Variants in ZNF430 observed in about 807,000 individuals in gnomAD.
The protein encoded by ZNF430 is zinc finger protein 430.
A neutral mutation model predicts 56.7 loss-of-function variants in ZNF430; 35 were observed. The ratio of observed to expected loss-of-function variants is 0.62; its 90% CI spans 0.47 to 0.82. The LOEUF (loss-of-function observed/expected upper bound fraction) is 0.82. Ranked by LOEUF, ZNF430 falls within the 40% of genes least tolerant of loss-of-function variation. The pLI is 0.00. For synonymous variants in ZNF430, 212 were observed against 224.3 expected, an observed-to-expected ratio of 0.94 and a Z score of 0.49; for missense variants, 574 against 661.0, an observed-to-expected ratio of 0.87 and a Z score of 1.44.
chr19:21,033,454 A>T lies in ZNF430; in HGVS notation c.97-2A>T. The stretch of plus-strand genomic sequence containing the variant: ...TGTGTCTTGTGTGCTTGTGTTTTTC[A>T]GGGGCCATTGACATTTAGGGATGTG... On this transcript the variant is annotated splice_acceptor_variant, in intron 2 of 4. Transcript: ENST00000261560. LOFTEE classifies it high-confidence loss of function. 6.2e-7 allele frequency: 1 copy of T among 1,607,888 alleles called. No homozygotes were observed. The highest frequency in any genetic ancestry group is 8.5e-7 in the Non-Finnish European group (1 of 1,177,308).
At chr19:21,024,938 G>A (rs1169557411) in intron 2 of ZNF430, among the ~76,000 whole-genome samples, 3 of 152,214 alleles carry the variant, frequency 2.0e-5, no homozygotes, top group Non-Finnish European at 2.9e-5. Context: ...CCAAGTTCAG[G>A]AGCCTGTGAA....
intron 2 of ZNF430, among the ~76,000 whole-genome samples, chr19:21,029,338 G>C (rs370699683): frequency 1.8e-4 from 28 of 151,866 alleles, no homozygotes; most frequent in African/African-American, 5.1e-4. Flanking sequence ...GTTATTATTT[G>C]TGTTTCCTTT....
intron 1 of ZNF430, among the ~76,000 whole-genome samples, 178 bp downstream of exon 1, chr19:21,020,981 G>T (rs1396250016): frequency 1.3e-5 from 2 of 152,138 alleles, no homozygotes; most frequent in Non-Finnish European, 2.9e-5. Flanking sequence ...GCTGACAGGC[G>T]GGCCCCAGCA....
intron 4 of ZNF430, chr19:21,036,901 A>C (rs1276752249): frequency 4.6e-5 from 7 of 152,184 alleles, no homozygotes; most frequent in African/African-American, 1.7e-4. Flanking sequence ...CATTTTGTGA[A>C]ACTAAAACTC....
At chr19:21,030,969 G>A (rs999163607) in intron 2 of ZNF430, among the ~76,000 whole-genome samples, 1 of 151,922 alleles carries the variant, frequency 6.6e-6, no homozygotes, top group Non-Finnish European at 1.5e-5. Context: ...TGAAACCTCC[G>A]CCTCCTGGGT....
At chr19:21,056,332 T>C (rs1968376340) in intron 4 of ZNF430, among the ~76,000 whole-genome samples, 1 of 151,914 alleles carries the variant, frequency 6.6e-6, no homozygotes, top group Non-Finnish European at 1.5e-5. Flanking sequence ...CTACTAAAAA[T>C]ACAAAAATTA....
chr19:21,048,164 CTTTTTTTTTTT>C (rs536496163), intron 4 of ZNF430, among the ~76,000 whole-genome samples: 6 of 59,816 alleles, frequency 1.0e-4, no homozygotes, highest in South Asian at 1.2e-3. Context: ...CATAAAACAT[CTTTTTTTTTTT>C]TTTTTTTTTT....
At chr19:21,025,610 G>A (rs571897189) in intron 2 of ZNF430, among the ~76,000 whole-genome samples, 58 of 151,770 alleles carry the variant, frequency 3.8e-4, no homozygotes, top group African/African-American at 1.4e-3. Flanking sequence ...TATCTGAGAC[G>A]GAGTCTCACT....
Position 21,059,749 on chromosome 19 carries a change from T to C in ZNF430, c.*1728T>C, listed in dbSNP as rs1188678559. 6.6e-6 allele frequency: 1 copy of C among 152,126 alleles called. No individual in the cohort carries two copies. Among genetic ancestry groups the C allele is most frequent in the Non-Finnish European group, 1.5e-5 (1 of 68,028 alleles). The allele number at this position is 152,126 out of a possible 1,614,324, so 9.4% of individuals were successfully genotyped here. A position where few individuals can be genotyped will look rare whatever the true frequency, so the allele number is the denominator to read the frequency against. On this transcript the variant is annotated 3_prime_UTR_variant, in exon 5 of 5. Coordinates refer to ENST00000261560, the MANE Select transcript of ZNF430 (RefSeq NM_025189.4). ...TCTTTATTCCAGTTGTATTCACATG[T>C]GAAAGCATGTGATCAGTTATTGCTG...
intron 4 of ZNF430, among the ~76,000 whole-genome samples, chr19:21,051,710 C>T (rs1423610372): frequency 1.3e-5 from 2 of 152,082 alleles, no homozygotes; most frequent in African/African-American, 4.8e-5. Context: ...TGGATGGTCT[C>T]GATCTCTTGA....
At chr19:21,027,105 G>T (rs979359831) in intron 2 of ZNF430, among the ~76,000 whole-genome samples, 4 of 152,016 alleles carry the variant, frequency 2.6e-5, no homozygotes. Context: ...TGGGATTACA[G>T]GCGTGAGCCC....
intron 2 of ZNF430, among the ~76,000 whole-genome samples, chr19:21,026,986 T>A (rs923162032): frequency 4.0e-5 from 6 of 151,772 alleles, no homozygotes; most frequent in Non-Finnish European, 7.4e-5. Context: ...CATGCCACCA[T>A]GCCAAGCTAA....
At chr19:21,054,720 G>A (rs992865427) in intron 4 of ZNF430, among the ~76,000 whole-genome samples, 1 of 127,404 alleles carries the variant, frequency 7.8e-6, no homozygotes, top group Non-Finnish European at 1.6e-5. Flanking sequence ...CTGTCGCCCA[G>A]GCTGGAGTGC....
intron 4 of ZNF430, among the ~76,000 whole-genome samples, chr19:21,043,921 T>C (rs1968147984): frequency 2.0e-5 from 3 of 151,482 alleles, no homozygotes; most frequent in Non-Finnish European, 4.4e-5. Flanking sequence ...TTGAAATGCT[T>C]GTAATTTTTG....
At chr19:21,025,855 A>G (rs1967783488) in intron 2 of ZNF430, 1 of 267,200 alleles carries the variant, frequency 3.7e-6, no homozygotes, top group South Asian at 5.2e-5. Flanking sequence ...GAAACCTCCT[A>G]CTTTCCCCCT....
chr19:21,054,766 C>G (rs111934476), intron 4 of ZNF430, among the ~76,000 whole-genome samples: 8,057 of 150,628 alleles, frequency 0.053, 760 homozygotes, highest in African/African-American at 0.19. Context: ...GCTCCGCCTC[C>G]CCGGTTCACG....
intron 2 of ZNF430, among the ~76,000 whole-genome samples, chr19:21,030,366 C>G (rs1967878059): frequency 6.6e-6 from 1 of 152,162 alleles, no homozygotes; most frequent in Non-Finnish European, 1.5e-5. Context: ...TTATTGAACA[C>G]TTAGTATCAA....
intron 2 of ZNF430, among the ~76,000 whole-genome samples, chr19:21,023,312 A>G (rs1417723373): frequency 6.6e-6 from 1 of 152,152 alleles, no homozygotes; most frequent in Admixed American, 6.5e-5. Flanking sequence ...CTGTTTTTTC[A>G]TCAGCACTGC....
chr19:21,043,154 T>C (rs1219293750), intron 4 of ZNF430, among the ~76,000 whole-genome samples: 2 of 152,236 alleles, frequency 1.3e-5, no homozygotes, highest in Admixed American at 6.5e-5. Context: ...TTTGCTTTTG[T>C]TGCAGTTGCT....
Sources: gnomAD v4.1 joint callset for allele counts (sites outside exome capture counted in the v4.1 genomes callset) on GRCh38, gnomAD v4.1.1 for gene constraint, MANE v1.5 for transcripts, NCBI Gene and HGNC (gene_info 2026-07-23, HGNC 2026-07-21) for gene names.